MTMR7: variants seen among roughly 807,000 people sequenced by gnomAD.
The protein encoded by MTMR7 is myotubularin related protein 7, also known as phosphatidylinositol-3-phosphate phosphatase MTMR7.
A neutral mutation model predicts 81.2 loss-of-function variants in MTMR7; 76 were observed. The ratio of observed to expected loss-of-function variants is 0.94; its 90% CI spans 0.78 to 1.13. MTMR7 has a LOEUF of 1.13. Among genes scored for constraint, MTMR7 ranks in the 50% most tolerant of loss-of-function variants. The pLI, the probability that MTMR7 is intolerant of heterozygous loss-of-function variation, is 0.00. For missense variants in MTMR7, 1,044 were observed against 820.0 expected (o/e 1.27, Z -3.34); for synonymous variants, 372 against 289.8 (o/e 1.28, Z -2.88).
At chr8:17,395,741 T>C (rs1047527664) in intron 1 of MTMR7, among the ~76,000 whole-genome samples, 3 of 152,254 alleles carry the variant, frequency 2.0e-5, no homozygotes, top group African/African-American at 7.2e-5. Flanking sequence ...GAAATGTCTA[T>C]TCAAGTCCTT....
chr8:17,412,140 T>A (rs1196091571), intron 1 of MTMR7, among the ~76,000 whole-genome samples: 1 of 152,242 alleles, frequency 6.6e-6, no homozygotes, highest in African/African-American at 2.4e-5. Flanking sequence ...GGAACTGACA[T>A]TCTCCAGCAA....
At chr8:17,325,392 C>A (rs954877752) in intron 7 of MTMR7, among the ~76,000 whole-genome samples, 3 of 152,214 alleles carry the variant, frequency 2.0e-5, no homozygotes, top group Non-Finnish European at 4.4e-5. Context: ...AAGAACAGAT[C>A]GGGTATCATC....
In MTMR7 at chr8:17,371,039, G is replaced by C. The variant is rs1449570578; in HGVS notation, c.308C>G (p.Pro103Arg). ...AATGCCGAGTTCCTCTGCCCTACCT[G>C]GCCTTGCAAGGCGTATCAGGGAGAT... is the stretch of plus-strand genomic sequence containing the variant. ...VYISLIRLAR[P>R]VKYEELYCFS... Residue 103 changes from proline to arginine, a missense_variant and splice_region_variant, in exon 3 of 14, where the codon CCA becomes CGA. Physicochemically the swap from Pro to Arg is moderately radical, Grantham distance 103 (BLOSUM62 -2). Coordinates refer to ENST00000180173, the MANE Select transcript of MTMR7 (RefSeq NM_004686.5). The C allele has an allele frequency of 1.9e-6, 3 of 1,611,970 alleles. No individual in the cohort carries two copies. Among genetic ancestry groups the C allele is most frequent in the Non-Finnish European group, 2.5e-6 (3 of 1,179,062 alleles).
chr8:17,381,861 T>C (rs189989349), intron 1 of MTMR7, among the ~76,000 whole-genome samples: 4 of 152,314 alleles, frequency 2.6e-5, no homozygotes, highest in Admixed American at 2.6e-4. Context: ...AGAAAAGTAT[T>C]TGTGAGTCAA....
rs1393840291 is a variant in MTMR7 at position 17,296,883 on chromosome 8, T to A, written c.*2979A>T. On this transcript the variant is annotated 3_prime_UTR_variant, in exon 14 of 14. Coordinates refer to ENST00000180173, the MANE Select transcript of MTMR7 (RefSeq NM_004686.5). ...ATTGGATAACCTTGTTACAACCCAG[T>A]CATGAAACAGAGCAGTGTGATCAGT... 2.6e-5 allele frequency: 4 copies of A among 152,174 alleles called. No homozygotes were observed. The highest frequency in any genetic ancestry group is 5.9e-5 in the Non-Finnish European group (4 of 68,018). 9.4% of individuals were successfully genotyped at this position (152,174 alleles called of 1,614,324 possible). A position where few individuals can be genotyped will look rare whatever the true frequency, so the allele number is the denominator to read the frequency against.
chr8:17,324,558 G>A (rs769230033), intron 7 of MTMR7, among the ~76,000 whole-genome samples: 1 of 152,236 alleles, frequency 6.6e-6, no homozygotes, highest in Non-Finnish European at 1.5e-5. Flanking sequence ...CACCTGAGCA[G>A]CTGTGTTTGA....
intron 7 of MTMR7, among the ~76,000 whole-genome samples, chr8:17,322,286 C>T (rs894155796): frequency 2.0e-5 from 3 of 152,142 alleles, no homozygotes; most frequent in Admixed American, 6.5e-5. Flanking sequence ...CCTGTACGAG[C>T]GAAGTGTTTA....
At chr8:17,314,491 C>T (rs1349439828) in intron 7 of MTMR7, among the ~76,000 whole-genome samples, 2 of 152,120 alleles carry the variant, frequency 1.3e-5, no homozygotes, top group African/African-American at 4.8e-5. Flanking sequence ...TTTGTGAACT[C>T]TTTGAAAGCA....
chr8:17,346,829 C>A (rs1259220437), intron 5 of MTMR7, among the ~76,000 whole-genome samples: 1 of 142,592 alleles, frequency 7.0e-6, no homozygotes, highest in Non-Finnish European at 1.5e-5. Flanking sequence ...TTACCAGCAA[C>A]CTAATTTCAA....
rs563429469 is a variant in MTMR7, at chr8:17,309,398, T to C, written c.1102-72A>G. 1.2e-4 allele frequency: 132 copies of C among 1,070,808 alleles called. 2 individuals are homozygous for C. The South Asian group carries it at 1.7e-3, about 14-fold the overall frequency. The allele number at this position is 1,070,808 out of a possible 1,614,324, so 66.3% of individuals were successfully genotyped here. A position where few individuals can be genotyped will look rare whatever the true frequency, so the allele number is the denominator to read the frequency against. Reference sequence around the variant, plus strand: ...ATAAGAGACCACACAACCAATAATGTTGAGGAATTCAGAGGCACTTGCAGA... The same window carrying C: ...ATAAGAGACCACACAACCAATAATGCTGAGGAATTCAGAGGCACTTGCAGA... On this transcript the variant is annotated intron_variant, in intron 9 of 13. Transcript: ENST00000180173.
At chr8:17,301,294 T>G (rs13267905) in intron 13 of MTMR7, among the ~76,000 whole-genome samples, 18,189 of 151,980 alleles carry the variant, frequency 0.12, 1,473 homozygotes, top group Non-Finnish European at 0.18. Context: ...AGGGATGAAG[T>G]GGTAAGGTTA....
intron 1 of MTMR7, among the ~76,000 whole-genome samples, chr8:17,399,027 T>C (rs1158614347): frequency 6.6e-6 from 1 of 152,050 alleles, no homozygotes; most frequent in South Asian, 2.1e-4. Flanking sequence ...AGTATCATAC[T>C]GAATGGGGAA....
At chr8:17,386,683 C>G (rs985214687) in intron 1 of MTMR7, among the ~76,000 whole-genome samples, 6 of 152,172 alleles carry the variant, frequency 3.9e-5, no homozygotes, top group East Asian at 1.9e-4. Flanking sequence ...CCTGCCACAT[C>G]CATGGCCATG....
intron 3 of MTMR7, among the ~76,000 whole-genome samples, chr8:17,365,676 G>A (rs1820204640): frequency 6.6e-6 from 1 of 152,206 alleles, no homozygotes; most frequent in African/African-American, 2.4e-5. Flanking sequence ...CCTTTGGACT[G>A]TGGGAGTAAA....
intron 4 of MTMR7, among the ~76,000 whole-genome samples, chr8:17,358,035 T>C (rs540488230): frequency 6.6e-6 from 1 of 152,076 alleles, no homozygotes; most frequent in East Asian, 1.9e-4. Context: ...GGAAAAACCA[T>C]CCAGTCATAG....
Position 17,299,602 on chromosome 8 carries a change from G to A in MTMR7, c.*260C>T, listed in dbSNP as rs1563308587. The A allele has an allele frequency of 1.7e-5, 8 of 458,764 alleles. No homozygotes were observed. The highest frequency in any genetic ancestry group is 2.8e-5 in the Non-Finnish European group (7 of 253,814). The allele number at this position is 458,764 out of a possible 1,614,324, so 28.4% of individuals were successfully genotyped here. A position where few individuals can be genotyped will look rare whatever the true frequency, so the allele number is the denominator to read the frequency against. On this transcript the variant is annotated 3_prime_UTR_variant, in exon 14 of 14. Transcript: ENST00000180173. Reference sequence around the variant, plus strand: ...AGGTAATGACAGAAGTAATTGCTCTGCAGTGAATATAATTTTCATAGTCTA... The same window carrying A: ...AGGTAATGACAGAAGTAATTGCTCTACAGTGAATATAATTTTCATAGTCTA...
intron 1 of MTMR7, among the ~76,000 whole-genome samples, chr8:17,404,519 TACAA>T (rs941656376): frequency 6.6e-6 from 1 of 151,514 alleles, no homozygotes; most frequent in African/African-American, 2.4e-5. Flanking sequence ...TTGCTCTTGT[TACAA>T]ACAATTGCAA....
At chr8:17,395,931 C>T (rs1184563560) in intron 1 of MTMR7, among the ~76,000 whole-genome samples, 1 of 152,132 alleles carries the variant, frequency 6.6e-6, no homozygotes, top group African/African-American at 2.4e-5. Flanking sequence ...CAACATTCTT[C>T]TCATACTGGG....
rs1011559608 is a variant in MTMR7, at chr8:17,301,158, G to A, written c.1621-934C>T. On this transcript the variant is annotated intron_variant, in intron 13 of 13. Transcript: ENST00000180173. ...CTTAGGTTATGTGCAAAAGCACTGT[G>A]CTGGGCAGTGTGAGGAAAAGAGATA... is the stretch of plus-strand genomic sequence containing the variant. Among the ~76,000 whole-genome samples the A allele has an allele frequency of 3.3e-5, 5 of 152,348 alleles. No homozygotes were observed. In the East Asian group the frequency reaches 7.7e-4, roughly 23 times the overall value.
Sources: gnomAD v4.1 joint callset for allele counts (sites outside exome capture counted in the v4.1 genomes callset) on GRCh38, gnomAD v4.1.1 for gene constraint, MANE v1.5 for transcripts, NCBI Gene and HGNC (gene_info 2026-07-23, HGNC 2026-07-21) for gene names.